Variants in C12orf42 observed in about 807,000 individuals in gnomAD.
C12orf42 encodes chromosome 12 open reading frame 42.
Under a neutral mutation model 21.6 loss-of-function variants are expected in C12orf42, and 25 were observed. That is an observed-to-expected ratio of 1.16 (90% CI 0.84 to 1.62). The LOEUF is 1.62. C12orf42 is among the 40% of genes most tolerant of loss of function. C12orf42 has a pLI of 0.00. For missense variants in C12orf42, 483 were observed against 459.3 expected (o/e 1.05, Z -0.47); for synonymous variants, 174 against 175.0 (o/e 0.99, Z 0.05).
intron 3 of C12orf42, among the ~76,000 whole-genome samples, chr12:103,393,449 C>G (rs1247387736): frequency 6.6e-6 from 1 of 152,192 alleles, no homozygotes; most frequent in African/African-American, 2.4e-5. Flanking sequence ...CCACCAGTCC[C>G]CAACTCCAAC....
chr12:103,123,043 T>C, the C12orf42 span, among the ~76,000 whole-genome samples: 1 of 152,164 alleles, frequency 6.6e-6, no homozygotes, highest in Non-Finnish European at 1.5e-5. Flanking sequence ...TCATGAGAAG[T>C]GGCTAAATTC....
rs141228952 is a variant in C12orf42 at position 103,408,173 on chromosome 12, G to A, written c.79-6498C>T. Among the ~76,000 whole-genome samples the A allele has an allele frequency of 6.6e-5, 10 of 152,280 alleles. No homozygotes were observed. In the East Asian group the frequency reaches 1.9e-3, roughly 29 times the overall value. ...CTGATTGTGGGCACCTTGCCCTGGA[G>A]TACATAGTATATAGTGAACATAGAA... On this transcript the variant is annotated intron_variant, in intron 2 of 5. Coordinates refer to ENST00000548883, the MANE Select transcript of C12orf42 (RefSeq NM_198521.5).
rs112217801 is a variant in C12orf42 at position 103,488,447 on chromosome 12, C to T, written c.-22+7455G>A. 2.4e-3 allele frequency among the ~76,000 whole-genome samples: 362 copies of T among 152,128 alleles called. 2 individuals are homozygous for T. The highest frequency in any genetic ancestry group is 9.3e-3 in the South Asian group (45 of 4,820). ...GTGTGTCTTGGGGTTGCTCTTCTTG[C>T]GGAGTATCTTTGTGGTGTTCTCTGT... On this transcript the variant is annotated intron_variant, in intron 1 of 5. Coordinates refer to ENST00000548883, the MANE Select transcript of C12orf42 (RefSeq NM_198521.5).
At chr12:103,398,566 C>A (rs2047723771) in intron 3 of C12orf42, among the ~76,000 whole-genome samples, 2 of 151,454 alleles carry the variant, frequency 1.3e-5, no homozygotes, top group African/African-American at 4.9e-5. Context: ...ATTTTTATAC[C>A]CTAGGAAACC....
intron 1 of C12orf42, among the ~76,000 whole-genome samples, chr12:103,479,095 C>T (rs915166513): frequency 2.0e-5 from 3 of 152,046 alleles, no homozygotes; most frequent in African/African-American, 7.2e-5. Flanking sequence ...GCACAGGCCC[C>T]TGTGAGTTTC....
the C12orf42 span, among the ~76,000 whole-genome samples, chr12:103,068,363 T>C: frequency 6.6e-6 from 1 of 152,334 alleles, no homozygotes; most frequent in African/African-American, 2.4e-5. Context: ...TGCATCTGGT[T>C]GTACAAAGGA....
intron 10 of C12orf42, among the ~76,000 whole-genome samples, chr12:103,262,745 C>T (rs564242123): frequency 1.1e-4 from 16 of 152,118 alleles, no homozygotes; most frequent in Middle Eastern, 3.4e-3. Flanking sequence ...GACAGTGTGG[C>T]GATTCATCAA....
At chr12:103,436,233 A>C (rs1359552163) in intron 2 of C12orf42, among the ~76,000 whole-genome samples, 1 of 150,576 alleles carries the variant, frequency 6.6e-6, no homozygotes, top group Non-Finnish European at 1.5e-5. Context: ...GCCTGCCCTA[A>C]AAGAGCTCCT....
chr12:103,141,293 GA>G, the C12orf42 span, among the ~76,000 whole-genome samples: 1 of 152,108 alleles, frequency 6.6e-6, no homozygotes, highest in African/African-American at 2.4e-5. Flanking sequence ...GTGAAAGAAA[GA>G]TAAGAAAATC....
At chr12:103,410,071 T>A (rs566601568) in intron 2 of C12orf42, among the ~76,000 whole-genome samples, 1 of 152,324 alleles carries the variant, frequency 6.6e-6, no homozygotes, top group South Asian at 2.1e-4. Context: ...GGGCCCAGAA[T>A]ACATCTTAAA....
At chr12:103,300,972 T>G (rs975097151), downstream of C12orf42, among the ~76,000 whole-genome samples, 1 of 152,208 alleles carries the variant, frequency 6.6e-6, no homozygotes, top group Non-Finnish European at 1.5e-5. Context: ...GGGATTCCAT[T>G]TTTCTTTAAA....
At chr12:103,247,316 A>G (rs991420256) in intron 10 of C12orf42, among the ~76,000 whole-genome samples, 3 of 152,050 alleles carry the variant, frequency 2.0e-5, no homozygotes, top group Non-Finnish European at 4.4e-5. Context: ...GCTTGAAAAA[A>G]ATAGAGCCAG....
chr12:103,483,814 C>A (rs1387639586), intron 1 of C12orf42, among the ~76,000 whole-genome samples: 1 of 152,110 alleles, frequency 6.6e-6, no homozygotes, highest in Non-Finnish European at 1.5e-5. Context: ...CCTCCCCCAG[C>A]CCCCACCACA....
At chr12:103,175,928 G>A in the C12orf42 span, among the ~76,000 whole-genome samples, 1 of 152,050 alleles carries the variant, frequency 6.6e-6, no homozygotes, top group Non-Finnish European at 1.5e-5. Context: ...ATTAAGCTTT[G>A]ACCTCCTTAG....
the C12orf42 span, among the ~76,000 whole-genome samples, chr12:103,516,970 G>A: frequency 6.6e-6 from 1 of 152,192 alleles, no homozygotes; most frequent in African/African-American, 2.4e-5. Context: ...CTGCCTGAGA[G>A]CTATTAAAGG....
At chr12:103,420,259 C>T (rs922321463) in intron 2 of C12orf42, among the ~76,000 whole-genome samples, 5 of 152,206 alleles carry the variant, frequency 3.3e-5, no homozygotes, top group South Asian at 2.1e-4. Flanking sequence ...GTTTGCAGTA[C>T]CCCTCTAACT....
At chr12:103,255,111 A>T (rs1436543022) in intron 10 of C12orf42, among the ~76,000 whole-genome samples, 2 of 152,040 alleles carry the variant, frequency 1.3e-5, no homozygotes, top group Non-Finnish European at 2.9e-5. Context: ...GATGGCTCAC[A>T]CCTGTAATCC....
intron 4 of C12orf42, among the ~76,000 whole-genome samples, chr12:103,317,674 A>G (rs922972616): frequency 2.0e-5 from 3 of 151,934 alleles, no homozygotes; most frequent in African/African-American, 7.3e-5. Flanking sequence ...TCCAATTTTA[A>G]TAAGCCTATG....
Position 103,411,040 on chromosome 12 carries a change from C to T in C12orf42, c.79-9365G>A, listed in dbSNP as rs1032737250. Reference sequence around the variant, plus strand: ...AGTGCCTCCAAATATACCCCAATAACTTTTACTATTATTCTTAATTTCCTT... The same window carrying T: ...AGTGCCTCCAAATATACCCCAATAATTTTTACTATTATTCTTAATTTCCTT... On this transcript the variant is annotated intron_variant, in intron 2 of 5. Transcript: ENST00000548883. Among the ~76,000 whole-genome samples, 4 of 152,120 alleles carry T rather than the reference C, an allele frequency of 2.6e-5. 1 individual carries two copies. The highest frequency in any genetic ancestry group is 5.9e-5 in the Non-Finnish European group (4 of 68,022).
Sources: gnomAD v4.1 joint callset for allele counts (sites outside exome capture counted in the v4.1 genomes callset) on GRCh38, gnomAD v4.1.1 for gene constraint, MANE v1.5 for transcripts, NCBI Gene and HGNC (gene_info 2026-07-23, HGNC 2026-07-21) for gene names.